The following ZNF236 variants were observed in gnomAD, a reference collection of about 807,000 sequenced individuals.
The protein encoded by ZNF236 is regulated by glucose.
ZNF236 carries 50 observed loss-of-function variants against 191.2 expected under a neutral mutation model. The observed-to-expected ratio is 0.26, with a 90% CI of 0.21 to 0.33. The LOEUF (loss-of-function observed/expected upper bound fraction) is 0.33, where lower values mean the gene tolerates loss of function less well. Ranked by LOEUF, ZNF236 falls within the 10% of genes least tolerant of loss-of-function variation. The probability of loss-of-function intolerance (pLI) is 1.00; values close to 1 mark genes in which losing one functional copy is unlikely to be tolerated. For missense variants in ZNF236, 1,754 were observed against 2,374.5 expected (o/e 0.74, Z 5.43); for synonymous variants, 907 against 928.8 (o/e 0.98, Z 0.43).
At position 76,849,610 on chromosome 18, in the gene ZNF236, C is replaced by T; in HGVS notation, c.140C>T (p.Ser47Phe). ...NFHKCEICLLSFPKESQFQRH... is the reference protein window; with the variant it reads ...NFHKCEICLLFFPKESQFQRH... Reference sequence around the variant, plus strand: ...CATAAATGTGAAATCTGTCTACTATCTTTTCCAAAAGAATCCCAGTTTCAA... The same window carrying T: ...CATAAATGTGAAATCTGTCTACTATTTTTTCCAAAAGAATCCCAGTTTCAA... Residue 47 changes from serine to phenylalanine, a missense_variant, in exon 2 of 31, where the codon TCT (serine) becomes TTT (phenylalanine). Physicochemically the swap from Ser to Phe is radical, Grantham distance 155 (BLOSUM62 -2). This residue lies in a region of ZNF236 where 336 missense variants were observed against 495.1 expected (regional missense o/e 0.68). Coordinates refer to ENST00000320610, the MANE Select transcript of ZNF236 (RefSeq NM_001306089.2). 1 of 1,610,642 alleles carries T rather than the reference C, an allele frequency of 6.2e-7. No homozygotes were observed. Among genetic ancestry groups the T allele is most frequent in the African/African-American group, 1.3e-5 (1 of 74,872 alleles).
chr18:76,861,002 C>T (rs1417892403), intron 3 of ZNF236, among the ~76,000 whole-genome samples: 1 of 152,090 alleles, frequency 6.6e-6, no homozygotes, highest in Non-Finnish European at 1.5e-5. Context: ...CACTGTGTGT[C>T]TGTGCTGCCG....
chr18:76,882,242 A>G (rs1976921234), intron 9 of ZNF236, among the ~76,000 whole-genome samples: 1 of 152,154 alleles, frequency 6.6e-6, no homozygotes. Context: ...TCATTCAAGC[A>G]TCTTCAGTGC....
chr18:76,880,049 TA>T lies in ZNF236; in HGVS notation c.985-62del. ...AGGGTATTGCCTGTTTTTTTTTTTT[TA>T]ATTTTCCTTTTTAAATTGAAGAGCA... is the stretch of plus-strand genomic sequence containing the variant. On this transcript the variant is annotated intron_variant, in intron 7 of 30. Transcript: ENST00000320610. The surrounding 1 kb of genome is among the most constrained non-coding windows in gnomAD (Gnocchi z 5.0). 2.0e-6 allele frequency: 3 copies of T among 1,491,670 alleles called. No individual in the cohort carries two copies. Among genetic ancestry groups the T allele is most frequent in the Middle Eastern group, 1.8e-4 (1 of 5,582 alleles). The allele number at this position is 1,491,670 out of a possible 1,614,324, so 92.4% of individuals were successfully genotyped here.
intron 3 of ZNF236, among the ~76,000 whole-genome samples, chr18:76,855,865 A>G (rs937992899): frequency 6.6e-6 from 1 of 152,192 alleles, no homozygotes; most frequent in Non-Finnish European, 1.5e-5. Context: ...GAACATCAGT[A>G]GTGTGAGGTT....
intron 25 of ZNF236, among the ~76,000 whole-genome samples, chr18:76,933,243 C>T (rs906210094): frequency 3.3e-5 from 5 of 152,110 alleles, no homozygotes; most frequent in East Asian, 1.9e-4. Flanking sequence ...CCGAGGCGGG[C>T]GGATCACCTG....
intron 3 of ZNF236, among the ~76,000 whole-genome samples, chr18:76,857,224 G>A (rs1025512554): frequency 2.6e-5 from 4 of 152,092 alleles, no homozygotes; most frequent in African/African-American, 9.7e-5. Flanking sequence ...AGGACCCAGC[G>A]CCTGGCAGCA....
At chr18:76,897,748 G>A (rs1977475772) in intron 10 of ZNF236, among the ~76,000 whole-genome samples, 1 of 151,800 alleles carries the variant, frequency 6.6e-6, no homozygotes, top group African/African-American at 2.4e-5. Context: ...CAAACACAGT[G>A]CCACACACAG....
intron 1 of ZNF236, among the ~76,000 whole-genome samples, chr18:76,840,249 CTT>C (rs755135874): frequency 5.3e-5 from 8 of 152,202 alleles, no homozygotes; most frequent in Non-Finnish European, 8.8e-5. Flanking sequence ...GATCCCAGCA[CTT>C]TGGGAGGCCG....
At chr18:76,941,265 C>A (rs1038702825) in intron 26 of ZNF236, among the ~76,000 whole-genome samples, 1 of 152,102 alleles carries the variant, frequency 6.6e-6, no homozygotes, top group African/African-American at 2.4e-5. Context: ...TGGCCCATTT[C>A]GGGGCCTGCT....
chr18:76,913,747 G>A lies in ZNF236; in HGVS notation c.2910G>A (p.Arg970=), dbSNP rs1967281125. Residue 970 remains arginine, a splice_region_variant and synonymous_variant, in exon 18 of 31, where the codon AGG becomes AGA. Coordinates refer to ENST00000320610, the MANE Select transcript of ZNF236 (RefSeq NM_001306089.2). ...TGAGTTCTGTATGTTTGCTTTGTAG[G>A]TGTGACTATTGCAACAAAGGCTTTA... ...DNEDQSRRSY[R]CDYCNKGFKK... is the part of the protein sequence containing the mutation. 3 of 1,613,838 alleles carry A rather than the reference G, an allele frequency of 1.9e-6. No individual in the cohort carries two copies. Among genetic ancestry groups the A allele is most frequent in the South Asian group, 2.2e-5 (2 of 91,064 alleles).
At position 76,880,429 on chromosome 18, in the gene ZNF236, G is replaced by A. The variant is rs568438358; in HGVS notation, c.1188+113G>A. 1.4e-5 allele frequency: 16 copies of A among 1,143,980 alleles called. No homozygotes were observed. Among genetic ancestry groups the A allele is most frequent in the Non-Finnish European group, 1.8e-5 (15 of 835,064 alleles). 70.9% of individuals were successfully genotyped at this position (1,143,980 alleles called of 1,614,324 possible). A position where few individuals can be genotyped will look rare whatever the true frequency, so the allele number is the denominator to read the frequency against. ...CTTGTCAAAGTCAGGGTATCCTCATGAAAAATGTGCCTGAACCGAAAGAAA... is the reference window on the plus strand; with the variant it reads ...CTTGTCAAAGTCAGGGTATCCTCATAAAAAATGTGCCTGAACCGAAAGAAA... On this transcript the variant is annotated intron_variant, in intron 8 of 30. Coordinates refer to ENST00000320610, the MANE Select transcript of ZNF236 (RefSeq NM_001306089.2). The surrounding 1 kb of genome is among the most constrained non-coding windows in gnomAD (Gnocchi z 5.0).
chr18:76,967,847 A>C (rs1257307484), intron 30 of ZNF236, among the ~76,000 whole-genome samples: 1 of 151,986 alleles, frequency 6.6e-6, no homozygotes, highest in Non-Finnish European at 1.5e-5. Flanking sequence ...GGAGTTTTTG[A>C]GGAAGGAAAA....
chr18:76,866,616 A>G (rs771102438), intron 3 of ZNF236, among the ~76,000 whole-genome samples: 1 of 152,208 alleles, frequency 6.6e-6, no homozygotes, highest in African/African-American at 2.4e-5. Flanking sequence ...TGAAAATGCC[A>G]TGCATTTCTC....
chr18:76,884,167 C>T (rs972368429), intron 9 of ZNF236, among the ~76,000 whole-genome samples: 4 of 151,882 alleles, frequency 2.6e-5, no homozygotes, highest in South Asian at 4.2e-4. Flanking sequence ...TTTGGGAGGC[C>T]GAGGTGGGTG....
chr18:76,843,649 G>A (rs192864790), intron 1 of ZNF236, among the ~76,000 whole-genome samples: 63 of 151,458 alleles, frequency 4.2e-4, no homozygotes, highest in East Asian at 3.9e-3. Context: ...GGTGGCGTGC[G>A]CCTGTAGTCC....
At chr18:76,851,664 T>C in intron 2 of ZNF236, 111 bp from the exon 3 acceptor site, 16 of 1,210,446 alleles carry the variant, frequency 1.3e-5, no homozygotes, top group Non-Finnish European at 1.8e-5. Context: ...ACTTCAGAAG[T>C]TTCTGTAGAT....
chr18:76,923,313 T>G, intron 21 of ZNF236, 139 bp downstream of exon 21: 1 of 563,244 alleles, frequency 1.8e-6, no homozygotes, highest in Non-Finnish European at 3.1e-6. Flanking sequence ...GGAAGTGATA[T>G]AAAAGATTTT....
intron 27 of ZNF236, among the ~76,000 whole-genome samples, chr18:76,952,512 C>G (rs1354728428): frequency 1.3e-5 from 2 of 152,190 alleles, no homozygotes; most frequent in Admixed American, 1.3e-4. Context: ...TTTGAAGCAC[C>G]CTGGGTTTAT....
chr18:76,888,696 G>C (rs1166775619), intron 9 of ZNF236: 1 of 152,176 alleles, frequency 6.6e-6, no homozygotes, highest in Non-Finnish European at 1.5e-5. Flanking sequence ...CCAGCATTTG[G>C]ATTTTGTCCC....
Sources: allele counts gnomAD v4.1 joint callset (sites outside exome capture counted in the v4.1 genomes callset), GRCh38; gene constraint gnomAD v4.1.1; regional missense constraint gnomAD v4.1.1; non-coding constraint Gnocchi (gnomAD v3.1); transcripts MANE v1.5; gene names NCBI Gene and HGNC (gene_info 2026-07-23, HGNC 2026-07-21).